Variants in UNC80 observed in about 807,000 individuals in gnomAD.
UNC80 encodes the protein unc-80 subunit of NALCN channel complex.
Under a neutral mutation model 384.6 loss-of-function variants are expected in UNC80, and 164 were observed. That is an observed-to-expected ratio of 0.43 (90% confidence interval 0.38 to 0.49). The LOEUF (loss-of-function observed/expected upper bound fraction) is 0.49. Among genes scored for constraint, UNC80 ranks in the 20% least tolerant of loss-of-function variants. The pLI is 0.00. For missense variants in UNC80, 3,330 were observed against 4,143.0 expected (o/e 0.80, Z 5.39); for synonymous variants, 1,486 against 1,527.8 (o/e 0.97, Z 0.64).
At chr2:209,909,728 G>A (rs1266877413) in intron 29 of UNC80, among the ~76,000 whole-genome samples, 1 of 152,118 alleles carries the variant, frequency 6.6e-6, no homozygotes. Flanking sequence ...TGGTCAGGAT[G>A]CCGAGAGGAG....
At position 209,817,822 on chromosome 2, in the gene UNC80, C is replaced by T; in HGVS notation, c.1563C>T (p.Thr521=). 1 of 1,551,370 alleles carries T rather than the reference C, an allele frequency of 6.4e-7. No individual in the cohort carries two copies. Among genetic ancestry groups the T allele is most frequent in the Non-Finnish European group, 8.7e-7 (1 of 1,146,892 alleles). Residue 521 remains threonine (T), a synonymous_variant, in exon 11 of 65, where the codon ACC becomes ACT. Coordinates refer to ENST00000673920, the MANE Select transcript of UNC80 (RefSeq NM_001371986.1). The part of the protein sequence containing the change: ...GWQTTILGKL[T]RRGSSDAATE... ...TCTTATTCATCCCAGGGAAATTGAC[C>T]CGGCGAGGCAGTTCAGATGCAGCCA...
chr2:209,959,260 C>G, intron 50 of UNC80, 106 bp downstream of exon 50: 2 of 1,365,404 alleles, frequency 1.5e-6, no homozygotes, highest in Non-Finnish European at 1.0e-6. Flanking sequence ...GCATAACATA[C>G]TATTTCTGGG....
chr2:209,987,302 A>G (rs887585296), intron 61 of UNC80, among the ~76,000 whole-genome samples: 1 of 151,490 alleles, frequency 6.6e-6, no homozygotes, highest in Non-Finnish European at 1.5e-5. Flanking sequence ...AATTACTTCT[A>G]GGATTTTTTT....
At chr2:209,905,759 T>C (rs2088116163) in intron 29 of UNC80, among the ~76,000 whole-genome samples, 1 of 152,128 alleles carries the variant, frequency 6.6e-6, no homozygotes. Flanking sequence ...CTAAAGGAAA[T>C]TGCTTCAAGC....
rs112736061 is a variant in UNC80, at chr2:209,906,181, C to G, written c.4782+1216C>G. On this transcript the variant is annotated intron_variant, in intron 29 of 64. Transcript: ENST00000673920. ...ACATCAAACAATGAGAGAACATGAGCAATAACAACAAAAATCCAGTTGAGT... is the reference window on the plus strand; with the variant it reads ...ACATCAAACAATGAGAGAACATGAGGAATAACAACAAAAATCCAGTTGAGT... Among the ~76,000 whole-genome samples the G allele has an allele frequency of 1.8e-3, 270 of 152,032 alleles. 1 individual carries two copies. Among genetic ancestry groups the G allele is most frequent in the African/African-American group, 6.3e-3 (261 of 41,476 alleles).
At chr2:209,881,393 A>C (rs2085277411) in intron 25 of UNC80, among the ~76,000 whole-genome samples, 1 of 152,180 alleles carries the variant, frequency 6.6e-6, no homozygotes, top group Non-Finnish European at 1.5e-5. Context: ...TTTACTCTGA[A>C]AATATGAGGA....
chr2:209,963,064 T>C (rs1440114081), intron 51 of UNC80, among the ~76,000 whole-genome samples: 2 of 152,266 alleles, frequency 1.3e-5, no homozygotes, highest in Non-Finnish European at 1.5e-5. Flanking sequence ...ACTTCTGAAT[T>C]TGCAGAATGT....
At chr2:209,793,612 A>T (rs959254379) in intron 6 of UNC80, 108 bp from the exon 7 acceptor site, 3 of 1,361,256 alleles carry the variant, frequency 2.2e-6, no homozygotes, top group African/African-American at 2.9e-5. Flanking sequence ...AAAAAAGCCC[A>T]TATATGGAAC....
rs2084411743 is a variant in UNC80 at position 209,872,785 on chromosome 2, T to G, written c.3655T>G (p.Leu1219Val). Residue 1219 changes from leucine to valine, a missense_variant, in exon 23 of 65, where the codon TTG becomes GTG. Coordinates refer to ENST00000673920, the MANE Select transcript of UNC80 (RefSeq NM_001371986.1). This position sits in a 1 kb window ranked among gnomAD's most constrained non-coding sequence, Gnocchi z 4.1. ...AGCCCCTGTGGTGGCCAGAGCAGCC[T>G]TGTTCCTGGAATGTGCTCGTTTTGT... is the stretch of plus-strand genomic sequence containing the variant. ...LEAPVVARAA[L>V]FLECARFVHR... The G allele has an allele frequency of 1.9e-6, 3 of 1,551,516 alleles. No individual in the cohort carries two copies. Among genetic ancestry groups the G allele is most frequent in the Non-Finnish European group, 2.6e-6 (3 of 1,146,824 alleles).
intron 6 of UNC80, 33 bp from the exon 7 acceptor site, chr2:209,793,687 C>A (rs1263229092): frequency 2.5e-6 from 4 of 1,605,844 alleles, no homozygotes; most frequent in Non-Finnish European, 3.4e-6. Flanking sequence ...AAACAAAAAA[C>A]AAAACCTAAT....
rs145843512 is a variant in UNC80, at chr2:209,842,564, A to T, written c.3454+118A>T. ...GGTTTTTCATTCATTTCTTTCTCAT[A>T]CATGCCTTTTACCACTGTCTATAGC... On this transcript the variant is annotated intron_variant, in intron 21 of 64. Transcript: ENST00000673920. 1.3e-5 allele frequency: 10 copies of T among 759,500 alleles called. No homozygotes were observed. In the East Asian group the frequency reaches 2.7e-4, roughly 20 times the overall value. 47.0% of individuals were successfully genotyped at this position (759,500 alleles called of 1,614,324 possible).
chr2:209,830,169 C>G (rs182249477), intron 15 of UNC80, among the ~76,000 whole-genome samples: 2 of 152,242 alleles, frequency 1.3e-5, no homozygotes, highest in Non-Finnish European at 2.9e-5. Context: ...AATGTATGAT[C>G]ACAGTTGATT....
rs2086024437 is a variant in UNC80 at position 209,888,398 on chromosome 2, G to A, written c.4276+138G>A. ...TACTGACTGTGTAGGCTTTATGATG[G>A]AAAATCATGCTTGTTAGAAGTTGGT... On this transcript the variant is annotated intron_variant, in intron 26 of 64. Coordinates refer to ENST00000673920, the MANE Select transcript of UNC80 (RefSeq NM_001371986.1). 8.3e-6 allele frequency: 8 copies of A among 958,354 alleles called. No homozygotes were observed. In the South Asian group the frequency reaches 1.5e-4, roughly 19 times the overall value. 59.4% of individuals were successfully genotyped at this position (958,354 alleles called of 1,614,324 possible).
intron 22 of UNC80, among the ~76,000 whole-genome samples, chr2:209,852,396 G>A (rs997790362): frequency 1.3e-5 from 2 of 152,090 alleles, no homozygotes. Flanking sequence ...GATGGTGGTG[G>A]TGGTGGTTGG....
rs551021303 is a variant in UNC80, at chr2:209,908,186, G to A, written c.4782+3221G>A. 2.6e-5 allele frequency among the ~76,000 whole-genome samples: 4 copies of A among 152,330 alleles called. No homozygotes were observed. In the South Asian group the frequency reaches 8.3e-4, roughly 32 times the overall value. On this transcript the variant is annotated intron_variant, in intron 29 of 64. Transcript: ENST00000673920. ...CAGATGAAAAATGAAAACAGAGTGG[G>A]CAATGAAGCAAGAGTAAAAGCAGTA...
chr2:209,985,625 G>A (rs1386920223), intron 61 of UNC80, among the ~76,000 whole-genome samples: 1 of 152,198 alleles, frequency 6.6e-6, no homozygotes, highest in Non-Finnish European at 1.5e-5. Flanking sequence ...AAAGGGGACT[G>A]CACCTTTAAC....
At chr2:209,803,267 T>C (rs2078675296) in intron 7 of UNC80, among the ~76,000 whole-genome samples, 1 of 152,248 alleles carries the variant, frequency 6.6e-6, no homozygotes, top group Admixed American at 6.5e-5. Flanking sequence ...TCTCCTAAAA[T>C]CTGGCTACAC....
chr2:209,969,554 A>G (rs959718750), intron 52 of UNC80: 5 of 554,788 alleles, frequency 9.0e-6, no homozygotes, highest in African/African-American at 1.9e-5. Context: ...TTTTTCTTCA[A>G]TAGATTTAGT....
rs1209637368 is a variant in UNC80, at chr2:209,872,522, G to A, written c.3628-236G>A. Among the ~76,000 whole-genome samples, 1 of 152,122 alleles carries A rather than the reference G, an allele frequency of 6.6e-6. No homozygotes were observed. Among genetic ancestry groups the A allele is most frequent in the East Asian group, 1.9e-4 (1 of 5,194 alleles). On this transcript the variant is annotated intron_variant, in intron 22 of 64. Transcript: ENST00000673920. The surrounding 1 kb of genome is among the most constrained non-coding windows in gnomAD (Gnocchi z 4.1). The stretch of plus-strand genomic sequence containing the variant: ...TTGAGAAGAAGGAGAAAGCAACACA[G>A]AAACCTACCTAAAATGTCTAATCCT...
Sources: allele counts gnomAD v4.1 joint callset (sites outside exome capture counted in the v4.1 genomes callset), GRCh38; gene constraint gnomAD v4.1.1; non-coding constraint Gnocchi (gnomAD v3.1); transcripts MANE v1.5; gene names NCBI Gene and HGNC (gene_info 2026-07-23, HGNC 2026-07-21).